CNTNAP2: variants seen among roughly 807,000 people sequenced by gnomAD.
CNTNAP2 encodes contactin-associated protein-like 2.
Under a neutral mutation model 155.2 loss-of-function variants are expected in CNTNAP2, and 98 were observed. That is an observed-to-expected ratio of 0.63 (90% confidence interval 0.54 to 0.75). The LOEUF is 0.75. Among genes scored for constraint, CNTNAP2 ranks in the 30% least tolerant of loss-of-function variants. The pLI is 0.00. For missense variants in CNTNAP2, 1,727 were observed against 1,688.1 expected (o/e 1.02, Z -0.40); for synonymous variants, 651 against 631.2 (o/e 1.03, Z -0.47).
intron 15 of CNTNAP2, among the ~76,000 whole-genome samples, chr7:148,105,259 A>G (rs1230310236): frequency 6.6e-6 from 1 of 152,238 alleles, no homozygotes; most frequent in African/African-American, 2.4e-5. Flanking sequence ...AAGAATGAGT[A>G]GAAATCAAGT....
intron 4 of CNTNAP2, among the ~76,000 whole-genome samples, chr7:147,053,656 T>C (rs1216813894): frequency 6.6e-6 from 1 of 152,128 alleles, no homozygotes; most frequent in African/African-American, 2.4e-5. Flanking sequence ...TGTCTGTCAC[T>C]CTGAAATATG....
At chr7:148,409,829 A>AACC (rs1563077677) in intron 23 of CNTNAP2, among the ~76,000 whole-genome samples, 10 of 94,786 alleles carry the variant, frequency 1.1e-4, no homozygotes, top group Admixed American at 2.5e-4. Context: ...AGGCGGGCGG[A>AACC]TCACAAGGTC....
intron 2 of CNTNAP2, chr7:146,786,721 A>T (rs1354409578): frequency 6.6e-6 from 1 of 152,222 alleles, no homozygotes; most frequent in Non-Finnish European, 1.5e-5. Context: ...TTTTCACCCA[A>T]AGGTCATTTT....
At chr7:147,347,939 G>A (rs1406327466) in intron 9 of CNTNAP2, among the ~76,000 whole-genome samples, 5 of 152,042 alleles carry the variant, frequency 3.3e-5, no homozygotes, top group African/African-American at 7.2e-5. Context: ...GGAAAGGGTA[G>A]TCTCTTCAAT....
At chr7:147,983,714 G>A (rs1287648215) in intron 15 of CNTNAP2, among the ~76,000 whole-genome samples, 1 of 152,190 alleles carries the variant, frequency 6.6e-6, no homozygotes, top group African/African-American at 2.4e-5. Flanking sequence ...GTTGGAGATT[G>A]GTTAAAAGAG....
intron 10 of CNTNAP2, among the ~76,000 whole-genome samples, chr7:147,418,476 C>T (rs141038425): frequency 6.6e-6 from 1 of 152,272 alleles, no homozygotes; most frequent in Non-Finnish European, 1.5e-5. Flanking sequence ...TGGGCTTGTT[C>T]ATCTTACACA....
At chr7:146,989,051 T>G (rs996165632) in intron 3 of CNTNAP2, among the ~76,000 whole-genome samples, 3 of 152,164 alleles carry the variant, frequency 2.0e-5, no homozygotes, top group African/African-American at 4.8e-5. Flanking sequence ...GATGTTTGCT[T>G]TATATCACAA....
chr7:146,875,803 T>C (rs1218485734), intron 3 of CNTNAP2, among the ~76,000 whole-genome samples: 1 of 151,146 alleles, frequency 6.6e-6, no homozygotes, highest in African/African-American at 2.4e-5. Context: ...CCCAGCACTT[T>C]GGGAGGTTAC....
At chr7:146,929,629 T>A (rs892375500) in intron 3 of CNTNAP2, among the ~76,000 whole-genome samples, 5 of 152,020 alleles carry the variant, frequency 3.3e-5, no homozygotes, top group Non-Finnish European at 7.4e-5. Context: ...CTTCAGATGA[T>A]CAAACTACTC....
At chr7:147,760,736 A>G (rs1348136745) in intron 13 of CNTNAP2, among the ~76,000 whole-genome samples, 2 of 152,198 alleles carry the variant, frequency 1.3e-5, no homozygotes, top group Non-Finnish European at 2.9e-5. Flanking sequence ...TCATCAATCC[A>G]TTAATTCAAC....
intron 1 of CNTNAP2, among the ~76,000 whole-genome samples, chr7:146,599,148 T>C (rs917758049): frequency 1.3e-5 from 2 of 152,156 alleles, no homozygotes; most frequent in African/African-American, 2.4e-5. Context: ...ACTACCACCA[T>C]TGGGCAAGCC....
intron 12 of CNTNAP2, among the ~76,000 whole-genome samples, chr7:147,637,527 G>A (rs937293170): frequency 2.6e-5 from 4 of 152,056 alleles, no homozygotes; most frequent in African/African-American, 9.7e-5. Context: ...GCTCTCTCTT[G>A]CGCTCTGTCT....
At chr7:148,068,005 C>G (rs765841501) in intron 15 of CNTNAP2, among the ~76,000 whole-genome samples, 1 of 152,142 alleles carries the variant, frequency 6.6e-6, no homozygotes, top group Non-Finnish European at 1.5e-5. Flanking sequence ...TGCACCCCAC[C>G]GATAGCACTG....
At chr7:148,322,927 T>A (rs1797820570) in intron 21 of CNTNAP2, among the ~76,000 whole-genome samples, 1 of 152,058 alleles carries the variant, frequency 6.6e-6, no homozygotes. Context: ...AAATTTGTCC[T>A]CTTCCTGAAA....
chr7:147,593,549 T>A (rs1800777606), intron 12 of CNTNAP2, among the ~76,000 whole-genome samples: 1 of 152,022 alleles, frequency 6.6e-6, no homozygotes, highest in South Asian at 2.1e-4. Flanking sequence ...TTTAGGCCTT[T>A]AAAAACCTCC....
At chr7:147,582,200 A>T (rs1399668975) in intron 12 of CNTNAP2, among the ~76,000 whole-genome samples, 1 of 152,114 alleles carries the variant, frequency 6.6e-6, no homozygotes, top group Non-Finnish European at 1.5e-5. Flanking sequence ...ACTGGTTTAC[A>T]CTGGCACTTG....
intron 9 of CNTNAP2, among the ~76,000 whole-genome samples, chr7:147,389,082 T>C (rs1163647074): frequency 6.6e-6 from 1 of 152,204 alleles, no homozygotes; most frequent in Admixed American, 6.5e-5. Context: ...TCCTGCCTGC[T>C]GGGACCCTAG....
At chr7:146,669,898 CA>C (rs1329967123) in intron 1 of CNTNAP2, among the ~76,000 whole-genome samples, 8 of 152,120 alleles carry the variant, frequency 5.3e-5, no homozygotes, top group Middle Eastern at 6.8e-3. Context: ...ATTCTGAGGA[CA>C]AAAAGCAATG....
At chr7:146,358,714 A>C (rs1407553966) in intron 1 of CNTNAP2, among the ~76,000 whole-genome samples, 1 of 152,198 alleles carries the variant, frequency 6.6e-6, no homozygotes, top group Non-Finnish European at 1.5e-5. Flanking sequence ...TTTCAAAAGA[A>C]TCCAACAACT....
Sources: gnomAD v4.1 joint callset for allele counts (sites outside exome capture counted in the v4.1 genomes callset) on GRCh38, gnomAD v4.1.1 for gene constraint, MANE v1.5 for transcripts, NCBI Gene and HGNC (gene_info 2026-07-23, HGNC 2026-07-21) for gene names.